Variants in KAZN observed in about 807,000 individuals in gnomAD.
KAZN encodes kazrin.
A neutral mutation model predicts 87.4 loss-of-function variants in KAZN; 40 were observed. The ratio of observed to expected loss-of-function variants is 0.46; its 90% CI spans 0.36 to 0.60. The LOEUF (loss-of-function observed/expected upper bound fraction) is 0.60, where lower values mean the gene tolerates loss of function less well. KAZN is among the 20% of genes least tolerant of loss of function. The pLI is 0.00. For missense variants in KAZN, 898 were observed against 1,073.9 expected (o/e 0.84, Z 2.29); for synonymous variants, 466 against 458.3 (o/e 1.02, Z -0.22).
At chr1:14,627,558 G>A (rs1050470939) in intron 1 of KAZN, among the ~76,000 whole-genome samples, 3 of 152,108 alleles carry the variant, frequency 2.0e-5, no homozygotes, top group Admixed American at 6.6e-5. Flanking sequence ...TTCCTGCTGC[G>A]CTGTAAGCTC....
At chr1:14,380,262 G>T (rs1045876078) in intron 2 of KAZN, among the ~76,000 whole-genome samples, 4 of 152,116 alleles carry the variant, frequency 2.6e-5, no homozygotes, top group Non-Finnish European at 5.9e-5. Flanking sequence ...GTACAAACAA[G>T]CCCAGATAGA....
chr1:14,855,458 G>A (rs574073130), intron 1 of KAZN, among the ~76,000 whole-genome samples: 102 of 152,258 alleles, frequency 6.7e-4, no homozygotes, highest in Admixed American at 1.6e-3. Flanking sequence ...AAGCCTATGC[G>A]CCTCATTCTC....
At chr1:14,573,370 C>T (rs944047650) in intron 2 of KAZN, among the ~76,000 whole-genome samples, 4 of 152,144 alleles carry the variant, frequency 2.6e-5, no homozygotes, top group Admixed American at 2.0e-4. Flanking sequence ...CACTAAAACC[C>T]GGGCACGGTG....
chr1:14,994,354 C>G (rs536950980), intron 2 of KAZN, among the ~76,000 whole-genome samples: 1 of 152,226 alleles, frequency 6.6e-6, no homozygotes, highest in Non-Finnish European at 1.5e-5. Context: ...CCCCTCATTG[C>G]GCCATACATT....
At chr1:14,612,426 TCA>T (rs1199650293) in intron 1 of KAZN, among the ~76,000 whole-genome samples, 1 of 152,200 alleles carries the variant, frequency 6.6e-6, no homozygotes, top group African/African-American at 2.4e-5. Context: ...CATCTGAGCC[TCA>T]GTTTCATTGT....
chr1:14,925,428 T>A (rs114567974), intron 1 of KAZN, among the ~76,000 whole-genome samples: 1 of 152,196 alleles, frequency 6.6e-6, no homozygotes, highest in East Asian at 1.9e-4. Context: ...TATTCCTTAT[T>A]CATCGAACAC....
rs776660666 is a variant in KAZN, at chr1:14,226,685, A to G, written c.249+46093A>G. Among the ~76,000 whole-genome samples, 108 of 152,348 alleles carry G rather than the reference A, an allele frequency of 7.1e-4. 1 individual carries two copies. The highest frequency in any genetic ancestry group is 1.8e-3 in the Admixed American group (27 of 15,304). ...ATCAACAGTGGACTGGATAAAGAGA[A>G]CATGGTACATATACACCATGCAATA... is the stretch of plus-strand genomic sequence containing the variant. On this transcript the variant is annotated intron_variant, in intron 2 of 16. Transcript: ENST00000636203.
At chr1:14,705,663 T>G (rs780992053) in intron 1 of KAZN, among the ~76,000 whole-genome samples, 25 of 152,062 alleles carry the variant, frequency 1.6e-4, no homozygotes, top group Admixed American at 9.8e-4. Context: ...TTATGTTAAG[T>G]GAAACAAGCC....
At chr1:14,529,179 C>A (rs1040528670) in intron 2 of KAZN, among the ~76,000 whole-genome samples, 8 of 152,286 alleles carry the variant, frequency 5.3e-5, no homozygotes, top group African/African-American at 1.9e-4. Context: ...TGGCAGGCAC[C>A]TGTAATCCCA....
chr1:14,329,160 G>A (rs1197731413), intron 2 of KAZN, among the ~76,000 whole-genome samples: 1 of 151,952 alleles, frequency 6.6e-6, no homozygotes, highest in African/African-American at 2.4e-5. Context: ...TCCTTCATTG[G>A]CATCAATTTT....
chr1:15,110,495 A>G (rs113534881), intron 13 of KAZN, among the ~76,000 whole-genome samples: 6,322 of 35,316 alleles, frequency 0.18, 170 homozygotes, highest in Middle Eastern at 0.24. Context: ...GTGTGTATGT[A>G]TGTGTGTGTA....
intron 2 of KAZN, among the ~76,000 whole-genome samples, chr1:14,261,371 TTA>T (rs1477724773): frequency 5.9e-5 from 9 of 152,282 alleles, no homozygotes; most frequent in Admixed American, 3.9e-4. Flanking sequence ...CGCCATCAAT[TTA>T]TGATTATTAT....
intron 2 of KAZN, among the ~76,000 whole-genome samples, chr1:14,336,879 C>G (rs950197161): frequency 3.9e-5 from 6 of 152,102 alleles, no homozygotes; most frequent in Non-Finnish European, 5.9e-5. Flanking sequence ...AATATTTTCT[C>G]TCATTCTGTA....
At chr1:15,033,145 G>A (rs1469505332) in intron 2 of KAZN, among the ~76,000 whole-genome samples, 3 of 152,152 alleles carry the variant, frequency 2.0e-5, no homozygotes, top group East Asian at 1.9e-4. Flanking sequence ...TGTAGGTTGT[G>A]TGCAAATACT....
At chr1:14,544,850 G>T (rs1673043468) in intron 2 of KAZN, among the ~76,000 whole-genome samples, 1 of 151,838 alleles carries the variant, frequency 6.6e-6, no homozygotes, top group African/African-American at 2.4e-5. Flanking sequence ...GATTATAGGT[G>T]TAAGCCACCT....
intron 2 of KAZN, among the ~76,000 whole-genome samples, chr1:14,476,331 C>G (rs186117845): frequency 6.6e-6 from 1 of 152,306 alleles, no homozygotes; most frequent in African/African-American, 2.4e-5. Context: ...ATTTCTTGCC[C>G]AATTTTCAAG....
chr1:15,082,627 G>A (rs569985549), intron 8 of KAZN, among the ~76,000 whole-genome samples: 15 of 152,314 alleles, frequency 9.8e-5, no homozygotes, highest in African/African-American at 3.4e-4. Context: ...CCTCTCACTC[G>A]CCATGCAGGG....
In KAZN at chr1:15,115,627, C is replaced by T. The variant is rs1368202775; in HGVS notation, c.*992C>T. On this transcript the variant is annotated 3_prime_UTR_variant, in exon 15 of 15. Transcript: ENST00000376030. This position sits in a 1 kb window ranked among gnomAD's most constrained non-coding sequence, Gnocchi z 4.1. The stretch of plus-strand genomic sequence containing the variant: ...CTGAAACATAGGTGACATAGCTCAC[C>T]AATGTCCTAACCGAGACACAAACTC... The T allele has an allele frequency of 1.3e-5, 2 of 152,140 alleles. No individual in the cohort carries two copies. The highest frequency in any genetic ancestry group is 3.8e-4 in the East Asian group (2 of 5,200). The allele number at this position is 152,140 out of a possible 1,614,324, so 9.4% of individuals were successfully genotyped here.
At chr1:13,956,624 G>A (rs1641560414) in intron 1 of KAZN, among the ~76,000 whole-genome samples, 1 of 151,986 alleles carries the variant, frequency 6.6e-6, no homozygotes, top group Admixed American at 6.5e-5. Context: ...CCCACCTAAT[G>A]GTATGGTAAT....
Sources: gnomAD v4.1 joint callset for allele counts (sites outside exome capture counted in the v4.1 genomes callset) on GRCh38, gnomAD v4.1.1 for gene constraint, Gnocchi (gnomAD v3.1) non-coding constraint, MANE v1.5 for transcripts, NCBI Gene and HGNC (gene_info 2026-07-23, HGNC 2026-07-21) for gene names.